Variants in LRRTM4 observed in about 807,000 individuals in gnomAD.
LRRTM4 encodes leucine-rich repeat transmembrane neuronal protein 4.
In LRRTM4, 25 loss-of-function variants were observed where a neutral mutation model predicts 47.6. The ratio of observed to expected loss-of-function variants is 0.53; its 90% CI spans 0.38 to 0.73. The LOEUF (loss-of-function observed/expected upper bound fraction) is 0.73. Among genes scored for constraint, LRRTM4 ranks in the 30% least tolerant of loss-of-function variants. The pLI, the probability that LRRTM4 is intolerant of heterozygous loss-of-function variation, is 0.00. For missense variants in LRRTM4, 638 were observed against 713.4 expected, an observed-to-expected ratio of 0.89 and a Z score of 1.20; for synonymous variants, 311 against 269.5, an observed-to-expected ratio of 1.15 and a Z score of -1.51.
intron 3 of LRRTM4, among the ~76,000 whole-genome samples, chr2:77,498,023 C>T (rs1326183396): frequency 1.3e-5 from 2 of 151,802 alleles, no homozygotes; most frequent in Non-Finnish European, 2.9e-5. Context: ...TGCCTGTGAT[C>T]CAAGAACTAA....
intron 3 of LRRTM4, among the ~76,000 whole-genome samples, chr2:76,864,502 A>G (rs1417239302): frequency 6.6e-6 from 1 of 152,020 alleles, no homozygotes; most frequent in Non-Finnish European, 1.5e-5. Flanking sequence ...TACTAAAAAT[A>G]CAAAATTAGC....
At chr2:77,317,171 C>T (rs779681863) in intron 3 of LRRTM4, among the ~76,000 whole-genome samples, 1 of 151,968 alleles carries the variant, frequency 6.6e-6, no homozygotes, top group African/African-American at 2.4e-5. Flanking sequence ...TTATATATTG[C>T]CATCCAAATA....
chr2:77,188,935 CTCTA>C (rs1358139963), intron 3 of LRRTM4, among the ~76,000 whole-genome samples: 1 of 152,154 alleles, frequency 6.6e-6, no homozygotes, highest in African/African-American at 2.4e-5. Flanking sequence ...CTACCAGCTT[CTCTA>C]TCTCAGTCTT....
intron 3 of LRRTM4, among the ~76,000 whole-genome samples, chr2:77,433,237 C>T (rs1310073966): frequency 2.0e-5 from 3 of 152,096 alleles, no homozygotes; most frequent in Non-Finnish European, 4.4e-5. Context: ...AGCTGCTGCC[C>T]TGAAGAAGAA....
intron 3 of LRRTM4, among the ~76,000 whole-genome samples, chr2:77,060,715 T>C (rs535715140): frequency 1.2e-4 from 18 of 152,284 alleles, no homozygotes; most frequent in Admixed American, 1.2e-3. Flanking sequence ...GCTTCTGCCA[T>C]TAACAGTTCT....
intron 3 of LRRTM4, among the ~76,000 whole-genome samples, chr2:76,795,952 G>C (rs1051362710): frequency 6.6e-6 from 1 of 150,978 alleles, no homozygotes; most frequent in African/African-American, 2.4e-5. Flanking sequence ...AGGTCAGTGG[G>C]TGCGCGCACC....
intron 3 of LRRTM4, among the ~76,000 whole-genome samples, chr2:77,265,285 T>C (rs1676021398): frequency 6.6e-6 from 1 of 152,146 alleles, no homozygotes; most frequent in Admixed American, 6.6e-5. Context: ...AAAGTTCGTA[T>C]GTTGTAAGCT....
chr2:77,511,690 G>A (rs1432394926), intron 3 of LRRTM4, among the ~76,000 whole-genome samples: 1 of 151,446 alleles, frequency 6.6e-6, no homozygotes, highest in South Asian at 2.1e-4. Context: ...TGTGTTCAGG[G>A]TTTTCCTTTT....
chr2:77,186,893 C>T (rs1478795596), intron 3 of LRRTM4, among the ~76,000 whole-genome samples: 1 of 151,984 alleles, frequency 6.6e-6, no homozygotes, highest in Non-Finnish European at 1.5e-5. Flanking sequence ...ACAGAAACTT[C>T]TTGAAAAATA....
intron 3 of LRRTM4, among the ~76,000 whole-genome samples, chr2:76,807,326 G>T (rs995252094): frequency 6.7e-6 from 1 of 148,756 alleles, no homozygotes; most frequent in Non-Finnish European, 1.5e-5. Context: ...TTATAGTGAA[G>T]AAACAGATAG....
intron 3 of LRRTM4, among the ~76,000 whole-genome samples, chr2:77,068,851 G>A (rs1329442604): frequency 6.6e-6 from 1 of 152,200 alleles, no homozygotes; most frequent in East Asian, 1.9e-4. Flanking sequence ...GGAAGGTTGT[G>A]GGTTTACCGG....
chr2:77,464,069 G>A (rs191715911), intron 3 of LRRTM4, among the ~76,000 whole-genome samples: 38 of 152,192 alleles, frequency 2.5e-4, no homozygotes, highest in African/African-American at 8.4e-4. Flanking sequence ...GGGCTTGATG[G>A]ACTAGTAAGA....
chr2:77,009,779 T>C lies in LRRTM4; in HGVS notation c.1552-260863A>G, dbSNP rs1677799650. The C allele has an allele frequency of 3.3e-5, 5 of 152,086 alleles. No homozygotes were observed. In the South Asian group the frequency reaches 1.0e-3, roughly 31 times the overall value. 9.4% of individuals were successfully genotyped at this position (152,086 alleles called of 1,614,324 possible). Reference sequence around the variant, plus strand: ...TAAGCACACTTTCTCTACCAATAAATTCATGCCTCTTATTACAGTGTAAGT... The same window carrying C: ...TAAGCACACTTTCTCTACCAATAAACTCATGCCTCTTATTACAGTGTAAGT... On this transcript the variant is annotated intron_variant, in intron 3 of 3. Transcript: ENST00000409884.
At chr2:77,472,683 C>T (rs1235538038) in intron 3 of LRRTM4, among the ~76,000 whole-genome samples, 2 of 152,058 alleles carry the variant, frequency 1.3e-5, no homozygotes, top group Non-Finnish European at 2.9e-5. Flanking sequence ...TGCGTGCATT[C>T]TACATTAAAG....
intron 3 of LRRTM4, among the ~76,000 whole-genome samples, chr2:77,404,556 A>G (rs1197087453): frequency 1.3e-5 from 2 of 152,240 alleles, no homozygotes; most frequent in Non-Finnish European, 2.9e-5. Flanking sequence ...AGAGGCCCGT[A>G]GAAGGACAGG....
chr2:77,216,674 T>C (rs1674450546), intron 3 of LRRTM4, among the ~76,000 whole-genome samples: 1 of 152,350 alleles, frequency 6.6e-6, no homozygotes, highest in African/African-American at 2.4e-5. Context: ...TTTGTGTTTT[T>C]CAATAGAAAG....
chr2:77,052,607 A>C (rs1679475994), intron 3 of LRRTM4, among the ~76,000 whole-genome samples: 1 of 152,130 alleles, frequency 6.6e-6, no homozygotes. Context: ...GGAAGAAGTC[A>C]TACCATACCA....
rs200933978 is a variant in LRRTM4 at position 77,207,347 on chromosome 2, G to GTATATATATATA, written c.1551+310970_1551+310971insTATATATATATA. Reference sequence around the variant, plus strand: ...TTATGTTTTTCCTAATTTCATATATGTGTATATATATATATATATATATAT... The same window carrying GTATATATATATA: ...TTATGTTTTTCCTAATTTCATATATGTATATATATATATGTATATATATATATATATATATAT... On this transcript the variant is annotated intron_variant, in intron 3 of 3. Transcript: ENST00000409884. Among the ~76,000 whole-genome samples the GTATATATATATA allele has an allele frequency of 2.4e-3, 200 of 83,356 alleles. 4 individuals are homozygous for GTATATATATATA. The highest frequency in any genetic ancestry group is 7.6e-3 in the African/African-American group (175 of 23,158). 54.7% of individuals were successfully genotyped at this position (83,356 alleles called of 152,430 possible).
intron 3 of LRRTM4, chr2:77,517,146 T>C: frequency 1.0e-6 from 1 of 985,076 alleles, no homozygotes; most frequent in Non-Finnish European, 1.2e-6. Flanking sequence ...ACAATTTACA[T>C]CCAGCATTAC....
Sources: gnomAD v4.1 joint callset for allele counts (sites outside exome capture counted in the v4.1 genomes callset) on GRCh38, gnomAD v4.1.1 for gene constraint, MANE v1.5 for transcripts, NCBI Gene and HGNC (gene_info 2026-07-23, HGNC 2026-07-21) for gene names.